PKD2: variants seen among roughly 807,000 people sequenced by gnomAD.
PKD2 encodes polycystin 2, transient receptor potential cation channel.
Under a neutral mutation model 105.9 loss-of-function variants are expected in PKD2, and 48 were observed. That is an observed-to-expected ratio of 0.45 (90% CI 0.36 to 0.58). The LOEUF is 0.58. Ranked by LOEUF, PKD2 falls within the 20% of genes least tolerant of loss-of-function variation. The pLI, the probability that PKD2 is intolerant of heterozygous loss-of-function variation, is 0.00. For missense variants in PKD2, 1,078 were observed against 1,255.3 expected (o/e 0.86, Z 2.13); for synonymous variants, 464 against 481.1 (o/e 0.96, Z 0.46).
chr4:88,053,438 C>A (rs568686078), intron 7 of PKD2, among the ~76,000 whole-genome samples: 1 of 152,092 alleles, frequency 6.6e-6, no homozygotes. Flanking sequence ...AGATAGGTCC[C>A]CTGAGCCCAG....
At chr4:88,051,890 T>G (rs1236312952) in intron 6 of PKD2, 101 bp from the exon 7 acceptor site, 1 of 685,014 alleles carries the variant, frequency 1.5e-6, no homozygotes. Flanking sequence ...TGGTGAGCCC[T>G]TATAATTAAT....
At chr4:88,040,050 T>C (rs894508038) in intron 4 of PKD2, among the ~76,000 whole-genome samples, 1 of 152,212 alleles carries the variant, frequency 6.6e-6, no homozygotes, top group Non-Finnish European at 1.5e-5. Context: ...CCAGACATTA[T>C]TTAAGAAGTT....
At chr4:88,025,168 G>A (rs1726910189) in intron 2 of PKD2, among the ~76,000 whole-genome samples, 1 of 147,342 alleles carries the variant, frequency 6.8e-6, no homozygotes, top group Admixed American at 6.8e-5. Flanking sequence ...AATAGAAAAA[G>A]AATCCATGGG....
intron 6 of PKD2, among the ~76,000 whole-genome samples, chr4:88,051,110 G>A (rs1479518835): frequency 6.6e-6 from 1 of 152,176 alleles, no homozygotes; most frequent in Non-Finnish European, 1.5e-5. Flanking sequence ...CAAGGAGGGG[G>A]CAGTGTCCCC....
Position 88,007,878 on chromosome 4 carries a change from C to T in PKD2, c.145C>T (p.Gln49Ter), listed in dbSNP as rs1057518906. The T allele has an allele frequency of 3.0e-6, 4 of 1,311,678 alleles. No individual in the cohort carries two copies. The highest frequency in any genetic ancestry group is 3.9e-6 in the Non-Finnish European group (4 of 1,025,966). 81.3% of individuals were successfully genotyped at this position (1,311,678 alleles called of 1,614,324 possible). The change falls in exon 1 of 15, where the codon CAG (glutamine) becomes TAG (stop). Residue 49 changes from glutamine to a stop codon, truncating the protein, a stop_gained. Coordinates refer to ENST00000237596, the MANE Select transcript of PKD2 (RefSeq NM_000297.4). LOFTEE classifies it high-confidence loss of function. ...SLAAPGGLCE[Q>*]RGLEIEMQRI... ...CGCCGCCCCGGGCGGCCTCTGCGAG[C>T]AGCGGGGCCTGGAGATCGAGATGCA...
intron 1 of PKD2, among the ~76,000 whole-genome samples, chr4:88,011,702 T>TA (rs773612013): frequency 6.6e-6 from 1 of 152,074 alleles, no homozygotes; most frequent in Admixed American, 6.6e-5. Context: ...TATTGAGACT[T>TA]AAAAAAAGAT....
rs1403436623 is a variant in PKD2 at position 88,053,237 on chromosome 4, C to T, written c.1716+1079C>T. On this transcript the variant is annotated intron_variant, in intron 7 of 14. Transcript: ENST00000237596. ...AGTGTTCAATGGCTACTGTCTAGGACAGTGGAAATGTAGAACATTTCCATC... is the reference window on the plus strand; with the variant it reads ...AGTGTTCAATGGCTACTGTCTAGGATAGTGGAAATGTAGAACATTTCCATC... Among the ~76,000 whole-genome samples the T allele has an allele frequency of 2.0e-5, 3 of 152,184 alleles. No homozygotes were observed. In the East Asian group the frequency reaches 5.8e-4, roughly 29 times the overall value.
chr4:88,070,134 T>C (rs949616811), intron 13 of PKD2, among the ~76,000 whole-genome samples: 3 of 152,226 alleles, frequency 2.0e-5, no homozygotes, highest in African/African-American at 7.2e-5. Context: ...TTTTTGTTTA[T>C]CTGAGAATGT....
chr4:88,039,176 A>G (rs990560914), intron 4 of PKD2, among the ~76,000 whole-genome samples: 3 of 152,284 alleles, frequency 2.0e-5, no homozygotes, highest in African/African-American at 4.8e-5. Context: ...TGGGTACGTC[A>G]CTGGTCGGAG....
intron 1 of PKD2, among the ~76,000 whole-genome samples, chr4:88,013,803 A>G (rs2725231): frequency 0.8 from 122,033 of 151,976 alleles, 49,279 homozygotes; most frequent in African/African-American, 0.89. Flanking sequence ...GAAGAATGAG[A>G]GGGGAATACA....
At chr4:88,069,419 T>C (rs1306200571) in intron 13 of PKD2, among the ~76,000 whole-genome samples, 1 of 152,086 alleles carries the variant, frequency 6.6e-6, no homozygotes, top group Non-Finnish European at 1.5e-5. Context: ...CATTTAAATT[T>C]TTTTAATGAT....
intron 2 of PKD2, among the ~76,000 whole-genome samples, chr4:88,033,271 T>A (rs542169003): frequency 1.4e-4 from 21 of 151,818 alleles, no homozygotes; most frequent in African/African-American, 5.1e-4. Flanking sequence ...TACAAAAAAT[T>A]TGAAAATTAG....
chr4:88,036,123 T>C lies in PKD2; in HGVS notation c.710-97T>C, dbSNP rs148369548. The stretch of plus-strand genomic sequence containing the variant: ...AGACCTTGTGTGAATTTGTCCAAAA[T>C]GTTTATCCACAGGAACAATCCCTTT... On this transcript the variant is annotated intron_variant, in intron 2 of 14. Transcript: ENST00000237596. 777 of 1,604,718 alleles carry C rather than the reference T, an allele frequency of 4.8e-4. 2 individuals are homozygous for C. In the African/African-American group the frequency reaches 9.5e-3, roughly 20 times the overall value.
intron 2 of PKD2, among the ~76,000 whole-genome samples, chr4:88,034,367 A>G (rs1727260245): frequency 6.6e-6 from 1 of 151,954 alleles, no homozygotes; most frequent in South Asian, 2.1e-4. Context: ...ATTTCCTATG[A>G]TGCTTGAAAG....
Position 88,067,906 on chromosome 4 carries a change from G to C in PKD2, c.2367G>C (p.Leu789=). 1 of 1,613,786 alleles carries C rather than the reference G, an allele frequency of 6.2e-7. No individual in the cohort carries two copies. The highest frequency in any genetic ancestry group is 8.5e-7 in the Non-Finnish European group (1 of 1,179,926). Residue 789 remains leucine (L), a synonymous_variant, in exon 13 of 15, where the codon CTG becomes CTC. Transcript: ENST00000237596. ...RDDLEKERED[L]DLDHSSLPRP... ...GACCCCTTGTTCTTCAGGAGGACCT[G>C]GATTTGGATCACAGTTCTTTACCAC...
chr4:88,032,320 C>T (rs1727189643), intron 2 of PKD2, among the ~76,000 whole-genome samples: 1 of 152,080 alleles, frequency 6.6e-6, no homozygotes, highest in African/African-American at 2.4e-5. Flanking sequence ...GTATTTGTTG[C>T]TATTTTGAAA....
intron 4 of PKD2, among the ~76,000 whole-genome samples, chr4:88,040,695 A>T (rs984089526): frequency 6.6e-6 from 1 of 152,158 alleles, no homozygotes; most frequent in African/African-American, 2.4e-5. Flanking sequence ...TATCCCCTTC[A>T]TACTGTCTGC....
At chr4:88,019,677 A>G in intron 2 of PKD2, 106 bp downstream of exon 2, 1 of 723,346 alleles carries the variant, frequency 1.4e-6, no homozygotes, top group South Asian at 1.5e-5. Flanking sequence ...GCAACTGGGA[A>G]GTTACCTTCT....
intron 1 of PKD2, 60 bp downstream of exon 1, chr4:88,008,388 G>C (rs1726268629): frequency 1.4e-6 from 2 of 1,468,654 alleles, no homozygotes; most frequent in Non-Finnish European, 1.8e-6. Context: ...CGCCGGCCGG[G>C]GCCATCGCCC....
Sources: allele counts gnomAD v4.1 joint callset (sites outside exome capture counted in the v4.1 genomes callset), GRCh38; gene constraint gnomAD v4.1.1; transcripts MANE v1.5; gene names NCBI Gene and HGNC (gene_info 2026-07-23, HGNC 2026-07-21).